CPLANE1: variants seen among roughly 807,000 people sequenced by gnomAD.
CPLANE1 encodes the protein ciliogenesis and planar polarity effector 1.
In CPLANE1, 263 loss-of-function variants were observed where a neutral mutation model predicts 362.5. That is an observed-to-expected ratio of 0.73 (90% CI 0.66 to 0.80). CPLANE1 has a LOEUF of 0.80. Ranked by LOEUF, CPLANE1 falls within the 30% of genes least tolerant of loss-of-function variation. The probability of loss-of-function intolerance (pLI) is 0.00; values close to 1 mark genes in which losing one functional copy is unlikely to be tolerated. For synonymous variants in CPLANE1, 1,212 were observed against 1,302.6 expected (o/e 0.93, Z 1.50); for missense variants, 3,461 against 3,793.4 (o/e 0.91, Z 2.30).
rs1762280391 is a variant in CPLANE1 at position 37,120,350 on chromosome 5, A to G, written c.9186-10T>C. The G allele has an allele frequency of 6.5e-7, 1 of 1,548,912 alleles. No individual in the cohort carries two copies. The highest frequency in any genetic ancestry group is 2.4e-5 in the East Asian group (1 of 42,004). On this transcript the variant is annotated splice_polypyrimidine_tract_variant and intron_variant, in intron 49 of 52. Transcript: ENST00000651892. ...ACCATGTTGATTCTCTCTATAGTAG[A>G]AATCACATAATTATTACATTCCCAG...
intron 9 of CPLANE1, among the ~76,000 whole-genome samples, chr5:37,230,280 T>G (rs867968995): frequency 6.7e-6 from 1 of 149,116 alleles, no homozygotes; most frequent in Middle Eastern, 3.6e-3. Context: ...AAAGAACCGG[T>G]ATGTGAATCT....
rs879842984 is a variant in CPLANE1 at position 37,234,381 on chromosome 5, T to TA, written c.939-3333dup. Among the ~76,000 whole-genome samples the TA allele has an allele frequency of 1.8e-3, 179 of 99,408 alleles. 1 individual carries two copies. The highest frequency in any genetic ancestry group is 9.9e-3 in the South Asian group (33 of 3,332). 65.2% of individuals were successfully genotyped at this position (99,408 alleles called of 152,430 possible). A position where few individuals can be genotyped will look rare whatever the true frequency, so the allele number is the denominator to read the frequency against. The stretch of plus-strand genomic sequence containing the variant: ...TGAGAAATTTACCAAGGAGAAAGAT[T>TA]AAAAAAAAAAAAAAGAAATTCTGGA... On this transcript the variant is annotated intron_variant, in intron 8 of 52. Transcript: ENST00000651892.
intron 18 of CPLANE1, among the ~76,000 whole-genome samples, chr5:37,203,525 T>C (rs1360075650): frequency 6.6e-6 from 1 of 152,218 alleles, no homozygotes; most frequent in African/African-American, 2.4e-5. Context: ...TTTTGTTTCA[T>C]TTTTTGAGAC....
rs141413425 is a variant in CPLANE1, at chr5:37,170,111, G to T, written c.6392C>A (p.Pro2131His). The T allele has an allele frequency of 2.2e-5, 35 of 1,614,136 alleles. No individual in the cohort carries two copies. Among genetic ancestry groups the T allele is most frequent in the Non-Finnish European group, 2.2e-5 (26 of 1,180,026 alleles). ...ATGGCAGTGTGGGCTGTTCTTGCGA[G>T]GCTCTCTGGCGTTCTCTCCCATTGA... is the stretch of plus-strand genomic sequence containing the variant. ...PQSMGENARE[P>H]RKNSPHCHEG... Residue 2131 changes from proline (P) to histidine (H), a missense_variant, in exon 33 of 53, where the codon CCT becomes CAT. Pro to His is a moderately conservative substitution (Grantham distance 77, BLOSUM62 -2). Around this residue, in one of 2 missense-constraint regions of CPLANE1, gnomAD observed 3,380 missense variants for 3,666.1 expected, o/e 0.92. Transcript: ENST00000651892.
rs1386961278 is a variant in CPLANE1, at chr5:37,182,965, G to A, written c.5216C>T (p.Thr1739Ile). ...PQEDLPLALNTFGSIGRLLEW... is the reference protein window; with the variant it reads ...PQEDLPLALNIFGSIGRLLEW... ...CAGCAGTCTTCCTATACTGCCAAAA[G>A]TGTTTAGTGCTAAAGGAAGATCTTC... is the stretch of plus-strand genomic sequence containing the variant. The change falls in exon 26 of 53, where the codon ACT becomes ATT. Residue 1739 changes from threonine to isoleucine, a missense_variant. Physicochemically the swap from Thr to Ile is moderately conservative, Grantham distance 89. This residue lies in a region of CPLANE1 where 3,380 missense variants were observed against 3,666.1 expected (regional missense o/e 0.92). Transcript: ENST00000651892. 9.3e-6 allele frequency: 15 copies of A among 1,606,728 alleles called. No individual in the cohort carries two copies. Among genetic ancestry groups the A allele is most frequent in the Non-Finnish European group, 1.3e-5 (15 of 1,176,538 alleles).
In CPLANE1 at chr5:37,122,537, T is replaced by C. The variant is rs958181845; in HGVS notation, c.8959-49A>G. On this transcript the variant is annotated intron_variant, in intron 47 of 52. Coordinates refer to ENST00000651892, the MANE Select transcript of CPLANE1 (RefSeq NM_001384732.1). ...TTCATTATTGTTCAATCCAAATAATTAAACCATTACACATAATTCTGTTAT... is the reference window on the plus strand; with the variant it reads ...TTCATTATTGTTCAATCCAAATAATCAAACCATTACACATAATTCTGTTAT... The C allele has an allele frequency of 1.2e-5, 17 of 1,397,758 alleles. 1 individual carries two copies. Among genetic ancestry groups the C allele is most frequent in the East Asian group, 4.6e-5 (2 of 43,124 alleles). 86.6% of individuals were successfully genotyped at this position (1,397,758 alleles called of 1,614,324 possible).
intron 25 of CPLANE1, among the ~76,000 whole-genome samples, chr5:37,184,385 T>C (rs1342928359): frequency 6.6e-6 from 1 of 151,892 alleles, no homozygotes; most frequent in Non-Finnish European, 1.5e-5. Context: ...GCAATTTCCT[T>C]CCCTGAAATA....
chr5:37,195,804 A>C, intron 21 of CPLANE1, 54 bp downstream of exon 21: 12 of 1,552,792 alleles, frequency 7.7e-6, no homozygotes, highest in Non-Finnish European at 1.0e-5. Context: ...CCCAAATCAA[A>C]TGAAAAATAT....
At chr5:37,121,427 T>C (rs769109400) in intron 49 of CPLANE1, among the ~76,000 whole-genome samples, 190 bp downstream of exon 49, 8 of 152,246 alleles carry the variant, frequency 5.3e-5, no homozygotes, top group Non-Finnish European at 8.8e-5. Flanking sequence ...AACACAATTT[T>C]TGCCTTTTTC....
In CPLANE1 at chr5:37,206,404, G is replaced by A; in HGVS notation, c.2942C>T (p.Pro981Leu). The A allele has an allele frequency of 1.3e-6, 2 of 1,551,128 alleles. No individual in the cohort carries two copies. Among genetic ancestry groups the A allele is most frequent in the Admixed American group, 2.0e-5 (1 of 51,000 alleles). Reference sequence around the variant, plus strand: ...ACTGGCCACCTTAGAGTGTTGCAGAGGAATAAGTCGAAAGGACTGCTCTGT... The same window carrying A: ...ACTGGCCACCTTAGAGTGTTGCAGAAGAATAAGTCGAAAGGACTGCTCTGT... ...IKTEQSFRLI[P>L]LQHSKVASVV... The change falls in exon 17 of 53, where the codon CCT (proline) becomes CTT (leucine). Residue 981 changes from proline (P) to leucine (L), a missense_variant. Transcript: ENST00000651892.
intron 19 of CPLANE1, among the ~76,000 whole-genome samples, chr5:37,200,558 T>C (rs1183957359): frequency 1.3e-5 from 2 of 152,106 alleles, no homozygotes; most frequent in African/African-American, 4.8e-5. Flanking sequence ...AAACTAGAGG[T>C]AGAAGTCGCC....
chr5:37,173,659 A>C, intron 32 of CPLANE1, 96 bp downstream of exon 32: 1 of 1,063,048 alleles, frequency 9.4e-7, no homozygotes, highest in Non-Finnish European at 1.4e-6. Context: ...TTGTGATATA[A>C]TTTTACCTTG....
chr5:37,087,177 T>C, the CPLANE1 span, among the ~76,000 whole-genome samples: 1 of 152,114 alleles, frequency 6.6e-6, no homozygotes, highest in Non-Finnish European at 1.5e-5. Flanking sequence ...ACGCTAGATG[T>C]AGAATGCTGG....
chr5:37,153,262 T>C (rs1381208283), intron 42 of CPLANE1, among the ~76,000 whole-genome samples: 3 of 152,186 alleles, frequency 2.0e-5, no homozygotes, highest in Non-Finnish European at 4.4e-5. Context: ...TCAGGGAAGA[T>C]GGCTTCACTG....
At chr5:37,132,439 A>C (rs1457846859) in intron 46 of CPLANE1, among the ~76,000 whole-genome samples, 2 of 144,252 alleles carry the variant, frequency 1.4e-5, no homozygotes, top group East Asian at 4.1e-4. Flanking sequence ...CCACCTCCCA[A>C]GTTCACGCCA....
rs1057196091 is a variant in CPLANE1, at chr5:37,107,437, T to C, written c.*165A>G. On this transcript the variant is annotated 3_prime_UTR_variant, in exon 53 of 53. Coordinates refer to ENST00000651892, the MANE Select transcript of CPLANE1 (RefSeq NM_001384732.1). Reference sequence around the variant, plus strand: ...CCATAAAGGCAAAGTTACTGAGAAATGTTTATTTTTCCTCTGGTAATGGCT... The same window carrying C: ...CCATAAAGGCAAAGTTACTGAGAAACGTTTATTTTTCCTCTGGTAATGGCT... The C allele has an allele frequency of 2.3e-6, 3 of 1,281,340 alleles. No individual in the cohort carries two copies. The highest frequency in any genetic ancestry group is 3.0e-6 in the Non-Finnish European group (3 of 1,008,266). 79.4% of individuals were successfully genotyped at this position (1,281,340 alleles called of 1,614,324 possible).
chr5:37,087,972 A>C, the CPLANE1 span, among the ~76,000 whole-genome samples: 12 of 152,306 alleles, frequency 7.9e-5, no homozygotes, highest in African/African-American at 2.9e-4. Context: ...AGCCAACCAG[A>C]ATCAGGTGGC....
intron 50 of CPLANE1, among the ~76,000 whole-genome samples, chr5:37,116,739 A>ACT (rs1761131433): frequency 6.6e-6 from 1 of 151,862 alleles, no homozygotes; most frequent in African/African-American, 2.4e-5. Context: ...ATTCAGAAAA[A>ACT]CTCTTCATTT....
At chr5:37,229,378 G>A (rs528225143) in intron 9 of CPLANE1, among the ~76,000 whole-genome samples, 5 of 149,302 alleles carry the variant, frequency 3.3e-5, no homozygotes, top group Admixed American at 6.7e-5. Flanking sequence ...GTGAAACCCC[G>A]TCTCTAAAAA....
Sources: gnomAD v4.1 joint callset for allele counts (sites outside exome capture counted in the v4.1 genomes callset) on GRCh38, gnomAD v4.1.1 for gene constraint, gnomAD v4.1.1 regional missense constraint, MANE v1.5 for transcripts, NCBI Gene and HGNC (gene_info 2026-07-23, HGNC 2026-07-21) for gene names.